The following PDGFD variants were observed in gnomAD, a reference collection of about 807,000 sequenced individuals.
The protein encoded by PDGFD is platelet-derived growth factor D.
Under a neutral mutation model 44.7 loss-of-function variants are expected in PDGFD, and 30 were observed. That is an observed-to-expected ratio of 0.67 (90% CI 0.50 to 0.91). The LOEUF (loss-of-function observed/expected upper bound fraction) is 0.91. Among genes scored for constraint, PDGFD ranks in the 40% least tolerant of loss-of-function variants. The pLI is 0.00. For synonymous variants in PDGFD, 173 were observed against 168.4 expected, an observed-to-expected ratio of 1.03 and a Z score of -0.21; for missense variants, 445 against 457.8, an observed-to-expected ratio of 0.97 and a Z score of 0.25.
chr11:104,133,895 G>C (rs1026050146), intron 1 of PDGFD, among the ~76,000 whole-genome samples: 1 of 151,986 alleles, frequency 6.6e-6, no homozygotes, highest in Admixed American at 6.5e-5. Flanking sequence ...CATTTACCAG[G>C]GACATGATAT....
chr11:104,075,300 T>A (rs767837747), intron 1 of PDGFD, among the ~76,000 whole-genome samples: 2 of 152,150 alleles, frequency 1.3e-5, no homozygotes, highest in Non-Finnish European at 2.9e-5. Flanking sequence ...AACCATTAGC[T>A]GTATTTGGCT....
chr11:103,927,974 C>G (rs905229462), intron 5 of PDGFD, among the ~76,000 whole-genome samples: 3 of 152,144 alleles, frequency 2.0e-5, no homozygotes, highest in Admixed American at 1.3e-4. Context: ...CCTTTAAAGT[C>G]AAATGGACAA....
intron 1 of PDGFD, among the ~76,000 whole-genome samples, chr11:104,118,853 T>TGATAAATATTAATA (rs1422207068): frequency 1.0e-4 from 3 of 29,756 alleles, no homozygotes; most frequent in African/African-American, 3.1e-4. Context: ...ATATTATATA[T>TGATAAATATTAATA]TATAATATAT....
intron 5 of PDGFD, among the ~76,000 whole-genome samples, chr11:103,941,830 C>T (rs1858588941): frequency 6.6e-6 from 1 of 152,044 alleles, no homozygotes; most frequent in African/African-American, 2.4e-5. Flanking sequence ...GCTCGTTTGT[C>T]CAATACTATT....
intron 1 of PDGFD, among the ~76,000 whole-genome samples, chr11:104,034,512 A>C (rs1486054218): frequency 1.3e-5 from 2 of 152,198 alleles, no homozygotes; most frequent in Non-Finnish European, 2.9e-5. Context: ...ATGGTGTAAC[A>C]GTGCAGGCCT....
chr11:103,945,641 C>T (rs529870517), intron 4 of PDGFD: 1 of 152,300 alleles, frequency 6.6e-6, no homozygotes, highest in East Asian at 1.9e-4. Context: ...CAAGTCATTC[C>T]CACGCCAGTG....
intron 3 of PDGFD, among the ~76,000 whole-genome samples, chr11:103,991,424 G>A (rs1419619959): frequency 6.6e-6 from 1 of 151,692 alleles, no homozygotes; most frequent in Non-Finnish European, 1.5e-5. Flanking sequence ...ATTCCCAATG[G>A]AAATAACGGC....
At chr11:104,109,118 T>G (rs921047130) in intron 1 of PDGFD, among the ~76,000 whole-genome samples, 3 of 151,250 alleles carry the variant, frequency 2.0e-5, no homozygotes, top group Admixed American at 6.6e-5. Flanking sequence ...AATTAATGGG[T>G]GCAGCACACC....
chr11:104,012,400 T>C (rs1384343601), intron 1 of PDGFD, among the ~76,000 whole-genome samples: 2 of 152,226 alleles, frequency 1.3e-5, no homozygotes, highest in African/African-American at 4.8e-5. Context: ...AAAGACATTA[T>C]ACTTTTCTGG....
chr11:103,919,712 T>C (rs1425524966), intron 6 of PDGFD, among the ~76,000 whole-genome samples: 1 of 152,020 alleles, frequency 6.6e-6, no homozygotes, highest in East Asian at 1.9e-4. Context: ...TTTCCCCACG[T>C]TGGCCAGGCT....
intron 1 of PDGFD, among the ~76,000 whole-genome samples, chr11:104,030,218 A>G (rs1237510791): frequency 1.3e-5 from 2 of 152,164 alleles, no homozygotes; most frequent in African/African-American, 4.8e-5. Flanking sequence ...AATTTCAAAC[A>G]TTTCTGGTCT....
At chr11:104,008,406 T>C (rs1297295503) in intron 1 of PDGFD, among the ~76,000 whole-genome samples, 2 of 152,144 alleles carry the variant, frequency 1.3e-5, no homozygotes, top group African/African-American at 4.8e-5. Context: ...TAATAGATAT[T>C]ATATATAGTT....
At chr11:104,047,082 A>G (rs1277420525) in intron 1 of PDGFD, among the ~76,000 whole-genome samples, 3 of 146,986 alleles carry the variant, frequency 2.0e-5, no homozygotes, top group African/African-American at 7.4e-5. Flanking sequence ...ATCCTTTTTT[A>G]TGGCTGCATA....
chr11:103,938,880 T>C (rs1055360067), intron 5 of PDGFD, among the ~76,000 whole-genome samples: 10 of 152,332 alleles, frequency 6.6e-5, no homozygotes, highest in African/African-American at 2.4e-4. Context: ...TGCGGCATTA[T>C]TTCTGAGGGC....
chr11:103,943,037 AAC>A lies in PDGFD; in HGVS notation c.772+413_772+414del, dbSNP rs567870152. ...ACCCTTCTTAGTCTGATGCAAAAAA[AAC>A]ACAGTTTGGGCAAAATGCAGAACTT... On this transcript the variant is annotated intron_variant, in intron 5 of 6. Coordinates refer to ENST00000393158, the MANE Select transcript of PDGFD (RefSeq NM_025208.5). Among the ~76,000 whole-genome samples, 33 of 152,292 alleles carry A rather than the reference AAC, an allele frequency of 2.2e-4. 1 individual carries two copies. In the South Asian group the frequency reaches 6.4e-3, roughly 30 times the overall value.
intron 2 of PDGFD, 90 bp from the exon 3 acceptor site, chr11:103,996,335 G>T: frequency 1.8e-6 from 2 of 1,088,358 alleles, no homozygotes; most frequent in East Asian, 2.5e-5. Context: ...TAGCATATAT[G>T]ATTTGTCATG....
chr11:103,938,278 T>C (rs1438454559), intron 5 of PDGFD, among the ~76,000 whole-genome samples: 1 of 152,218 alleles, frequency 6.6e-6, no homozygotes, highest in Non-Finnish European at 1.5e-5. Flanking sequence ...TCATTGTGGT[T>C]TTGATTTGCA....
At chr11:103,999,908 GTCT>G (rs754922688) in intron 2 of PDGFD, 140 bp downstream of exon 2, 125,378 of 702,032 alleles carry the variant, frequency 0.18, 11,426 homozygotes, top group Middle Eastern at 0.2. Flanking sequence ...GTCTGTTAGG[GTCT>G]TTAGGCTTTT....
chr11:104,157,127 G>T (rs1346464746), intron 1 of PDGFD, among the ~76,000 whole-genome samples: 1 of 152,164 alleles, frequency 6.6e-6, no homozygotes, highest in East Asian at 1.9e-4. Flanking sequence ...TGAGACCTCA[G>T]ATACAGTTAC....
Sources: allele counts gnomAD v4.1 joint callset (sites outside exome capture counted in the v4.1 genomes callset), GRCh38; gene constraint gnomAD v4.1.1; transcripts MANE v1.5; gene names NCBI Gene and HGNC (gene_info 2026-07-23, HGNC 2026-07-21).